TBC1D22A: variants seen among roughly 807,000 people sequenced by gnomAD.
TBC1D22A encodes the protein putative GTPase activator.
A neutral mutation model predicts 60.2 loss-of-function variants in TBC1D22A; 38 were observed. That is an observed-to-expected ratio of 0.63 (90% CI 0.49 to 0.83). The LOEUF is 0.83. Ranked by LOEUF, TBC1D22A falls within the 40% of genes least tolerant of loss-of-function variation. TBC1D22A has a pLI of 0.00. For synonymous variants in TBC1D22A, 302 were observed against 281.7 expected (o/e 1.07, Z -0.72); for missense variants, 628 against 701.0 (o/e 0.90, Z 1.18).
At chr22:46,974,245 G>A (rs55986099) in intron 8 of TBC1D22A, 45 bp from the exon 9 acceptor site, 31,570 of 1,528,114 alleles carry the variant, frequency 0.021, 396 homozygotes, top group Non-Finnish European at 0.025. Context: ...TCGAGGTCCC[G>A]TGTGGCTAAG....
chr22:46,953,779 A>T (rs954464884), intron 8 of TBC1D22A, among the ~76,000 whole-genome samples: 1 of 152,238 alleles, frequency 6.6e-6, no homozygotes, highest in Non-Finnish European at 1.5e-5. Context: ...TGTCAAAGTT[A>T]GCCAAATCTA....
chr22:46,833,933 A>T (rs893251231), intron 4 of TBC1D22A, among the ~76,000 whole-genome samples: 1 of 152,202 alleles, frequency 6.6e-6, no homozygotes, highest in Non-Finnish European at 1.5e-5. Flanking sequence ...TTTTGTTCCC[A>T]TTTGGTCTCT....
At chr22:46,796,325 C>T (rs2084650555) in intron 3 of TBC1D22A, among the ~76,000 whole-genome samples, 1 of 152,108 alleles carries the variant, frequency 6.6e-6, no homozygotes. Flanking sequence ...AATTATTTTC[C>T]CCCACTCCCA....
At chr22:46,828,858 G>C (rs74657749) in intron 4 of TBC1D22A, among the ~76,000 whole-genome samples, 11,056 of 152,246 alleles carry the variant, frequency 0.073, 567 homozygotes, top group Non-Finnish European at 0.11. Flanking sequence ...CACGTTGAGC[G>C]CTCATTTCCT....
In TBC1D22A at chr22:46,876,806, C is replaced by G. The variant is rs1325905632; in HGVS notation, c.638-1847C>G. Among the ~76,000 whole-genome samples the G allele has an allele frequency of 2.6e-5, 4 of 152,188 alleles. No individual in the cohort carries two copies. In the East Asian group the frequency reaches 7.7e-4, roughly 29 times the overall value. ...CTGCCTCTGGGCTGACTCCCCACCCCCAGGGCTGCTGCAGGGAAGCATGGT... is the reference window on the plus strand; with the variant it reads ...CTGCCTCTGGGCTGACTCCCCACCCGCAGGGCTGCTGCAGGGAAGCATGGT... On this transcript the variant is annotated intron_variant, in intron 4 of 12. Coordinates refer to ENST00000337137, the MANE Select transcript of TBC1D22A (RefSeq NM_014346.5).
At chr22:46,944,301 TG>T (rs2072371309) in intron 8 of TBC1D22A, among the ~76,000 whole-genome samples, 1 of 152,232 alleles carries the variant, frequency 6.6e-6, no homozygotes, top group Non-Finnish European at 1.5e-5. Flanking sequence ...TGTTTATTTT[TG>T]TTTTGTTTTT....
intron 10 of TBC1D22A, among the ~76,000 whole-genome samples, chr22:47,001,061 C>T (rs906757629): frequency 1.3e-5 from 2 of 152,020 alleles, no homozygotes; most frequent in Non-Finnish European, 2.9e-5. Context: ...CCCGATTAGT[C>T]AGGATAGGGA....
intron 4 of TBC1D22A, among the ~76,000 whole-genome samples, chr22:46,817,328 C>T (rs771057361): frequency 2.6e-5 from 4 of 151,614 alleles, no homozygotes; most frequent in Non-Finnish European, 4.4e-5. Context: ...AGGTTTGTTA[C>T]GTAGGTTACG....
chr22:47,158,210 G>A (rs2067801238), intron 12 of TBC1D22A, among the ~76,000 whole-genome samples: 1 of 152,202 alleles, frequency 6.6e-6, no homozygotes, highest in Admixed American at 6.5e-5. Context: ...CTCAGCGTTT[G>A]CATGCTTCTG....
At chr22:46,807,751 C>G (rs988033723) in intron 4 of TBC1D22A, among the ~76,000 whole-genome samples, 3 of 152,210 alleles carry the variant, frequency 2.0e-5, no homozygotes, top group African/African-American at 7.2e-5. Context: ...ATCCAGGCTT[C>G]TTTGCATTGC....
At chr22:46,878,434 G>T (rs954915699) in intron 4 of TBC1D22A, among the ~76,000 whole-genome samples, 1 of 136,394 alleles carries the variant, frequency 7.3e-6, no homozygotes, top group Non-Finnish European at 1.6e-5. Flanking sequence ...CCAGGATTCT[G>T]TTGTAAACAG....
intron 7 of TBC1D22A, among the ~76,000 whole-genome samples, chr22:46,908,002 G>T (rs1293232167): frequency 6.6e-6 from 1 of 152,230 alleles, no homozygotes; most frequent in Non-Finnish European, 1.5e-5. Context: ...TTGCCGGCGA[G>T]GAGGCCAGAG....
chr22:46,916,422 G>A (rs1212633720), intron 8 of TBC1D22A, among the ~76,000 whole-genome samples: 2 of 152,232 alleles, frequency 1.3e-5, no homozygotes, highest in Admixed American at 1.3e-4. Flanking sequence ...AGCAGTCCTC[G>A]TGGAGCTCAC....
At chr22:46,893,772 TTCC>T (rs1019077509) in intron 6 of TBC1D22A, among the ~76,000 whole-genome samples, 4 of 152,166 alleles carry the variant, frequency 2.6e-5, no homozygotes, top group African/African-American at 9.7e-5. Flanking sequence ...CCTCCTCCTC[TTCC>T]TCCTCCTCCT....
intron 9 of TBC1D22A, among the ~76,000 whole-genome samples, chr22:46,975,904 G>A (rs914830775): frequency 6.6e-6 from 1 of 152,202 alleles, no homozygotes; most frequent in Non-Finnish European, 1.5e-5. Flanking sequence ...CTATTGGCTG[G>A]TCCAGACTCC....
At chr22:46,810,887 G>A (rs1452649276) in intron 4 of TBC1D22A, among the ~76,000 whole-genome samples, 6 of 152,172 alleles carry the variant, frequency 3.9e-5, no homozygotes, top group African/African-American at 9.7e-5. Flanking sequence ...CACCAAATCC[G>A]TCCTTTTGTC....
At chr22:46,811,773 A>G (rs1201143236) in intron 4 of TBC1D22A, among the ~76,000 whole-genome samples, 3 of 152,168 alleles carry the variant, frequency 2.0e-5, no homozygotes, top group Non-Finnish European at 4.4e-5. Context: ...AGAAGAAGGC[A>G]GTGGTAGGAA....
At chr22:47,125,622 G>T (rs975702068) in intron 12 of TBC1D22A, among the ~76,000 whole-genome samples, 4 of 152,224 alleles carry the variant, frequency 2.6e-5, no homozygotes, top group Non-Finnish European at 5.9e-5. Flanking sequence ...GAACAGGATT[G>T]TTGGGAGAGA....
intron 9 of TBC1D22A, among the ~76,000 whole-genome samples, chr22:46,977,406 T>G (rs2074342870): frequency 6.6e-6 from 1 of 151,568 alleles, no homozygotes. Context: ...TTGGGGTGAG[T>G]CAGCATCACC....
Sources: gnomAD v4.1 joint callset for allele counts (sites outside exome capture counted in the v4.1 genomes callset) on GRCh38, gnomAD v4.1.1 for gene constraint, MANE v1.5 for transcripts, NCBI Gene and HGNC (gene_info 2026-07-23, HGNC 2026-07-21) for gene names.